SGMS1: variants seen among roughly 807,000 people sequenced by gnomAD.
SGMS1 encodes phosphatidylcholine:ceramide cholinephosphotransferase 1.
A neutral mutation model predicts 46.2 loss-of-function variants in SGMS1; 13 were observed. The observed-to-expected ratio is 0.28, with a 90% CI of 0.18 to 0.45. The LOEUF is 0.45. SGMS1 is among the 20% of genes least tolerant of loss of function. The pLI, the probability that SGMS1 is intolerant of heterozygous loss-of-function variation, is 1.00. For missense variants in SGMS1, 324 were observed against 519.9 expected, an observed-to-expected ratio of 0.62 and a Z score of 3.66; for synonymous variants, 203 against 187.8, an observed-to-expected ratio of 1.08 and a Z score of -0.66.
chr10:50,601,890 G>T (rs1411476751), intron 1 of SGMS1, among the ~76,000 whole-genome samples: 1 of 152,174 alleles, frequency 6.6e-6, no homozygotes, highest in African/African-American at 2.4e-5. Context: ...TAGCCTGAAG[G>T]TAATTTTATA....
intron 2 of SGMS1, among the ~76,000 whole-genome samples, chr10:50,545,272 C>A (rs1371064028): frequency 1.3e-5 from 2 of 152,142 alleles, no homozygotes; most frequent in African/African-American, 4.8e-5. Context: ...TTTCAGGTTT[C>A]TAGAGGCAGT....
intron 2 of SGMS1, among the ~76,000 whole-genome samples, chr10:50,537,269 G>A (rs1838010279): frequency 6.6e-6 from 1 of 152,056 alleles, no homozygotes; most frequent in Admixed American, 6.6e-5. Context: ...TCTCCAGAAA[G>A]TTTGGAGTAT....
chr10:50,625,144 G>T (rs1035839532), upstream of SGMS1: 35 of 851,872 alleles, frequency 4.1e-5, no homozygotes, highest in Non-Finnish European at 4.9e-5. Context: ...ACAGGTTCTC[G>T]CCCGGGCCAG....
intron 2 of SGMS1, among the ~76,000 whole-genome samples, chr10:50,551,000 C>T (rs1016013942): frequency 4.6e-5 from 7 of 152,144 alleles, no homozygotes; most frequent in South Asian, 2.1e-4. Flanking sequence ...CAGAAGAATT[C>T]AAAGTAATTT....
intron 3 of SGMS1, among the ~76,000 whole-genome samples, chr10:50,511,806 A>T (rs762799341): frequency 5.3e-5 from 8 of 152,014 alleles, no homozygotes; most frequent in Non-Finnish European, 8.8e-5. Flanking sequence ...TGTCTGAGGG[A>T]TCCACACTTA....
At position 50,318,863 on chromosome 10, in the gene SGMS1, A is replaced by G. The variant is rs546210359; in HGVS notation, c.742-7448T>C. ...TACTAGGCAGACTTGTTTTAGGGAT[A>G]GGGGGTGTCTCTAAGCAATTATCAG... On this transcript the variant is annotated intron_variant, in intron 8 of 10. Coordinates refer to ENST00000361781, the MANE Select transcript of SGMS1 (RefSeq NM_147156.4). 1.7e-3 allele frequency among the ~76,000 whole-genome samples: 259 copies of G among 152,220 alleles called. 1 individual carries two copies. The highest frequency in any genetic ancestry group is 3.7e-3 in the Admixed American group (56 of 15,284).
intron 6 of SGMS1, among the ~76,000 whole-genome samples, chr10:50,407,526 C>T (rs1363668295): frequency 1.3e-5 from 2 of 152,128 alleles, no homozygotes; most frequent in African/African-American, 4.8e-5. Context: ...CCACCCTGAC[C>T]TCCAAACGGC....
At chr10:50,572,601 GT>G in intron 2 of SGMS1, among the ~76,000 whole-genome samples, 1 of 152,182 alleles carries the variant, frequency 6.6e-6, no homozygotes, top group Non-Finnish European at 1.5e-5. Context: ...TGTACACTGA[GT>G]TTTTGCATAA....
chr10:50,412,901 A>G (rs1169034362), intron 6 of SGMS1, among the ~76,000 whole-genome samples: 1 of 152,180 alleles, frequency 6.6e-6, no homozygotes, highest in Non-Finnish European at 1.5e-5. Flanking sequence ...TTTAGTGCAT[A>G]TTCTTCATTC....
chr10:50,393,318 CT>C (rs1848802768), intron 6 of SGMS1, among the ~76,000 whole-genome samples: 1 of 152,086 alleles, frequency 6.6e-6, no homozygotes, highest in Non-Finnish European at 1.5e-5. Context: ...ATTTCTCAGA[CT>C]AAAGAAACCA....
intron 5 of SGMS1, among the ~76,000 whole-genome samples, chr10:50,448,911 A>G (rs79332676): frequency 3.8e-4 from 58 of 152,322 alleles, no homozygotes; most frequent in African/African-American, 1.3e-3. Context: ...ACCTTAATGG[A>G]GAAATCACCA....
At chr10:50,492,171 A>T (rs944370703) in intron 3 of SGMS1, among the ~76,000 whole-genome samples, 1 of 152,248 alleles carries the variant, frequency 6.6e-6, no homozygotes, top group Non-Finnish European at 1.5e-5. Context: ...CATACCTCAG[A>T]ATAATAAGAG....
chr10:50,344,227 T>C lies in SGMS1; in HGVS notation c.-113A>G. 5.0e-6 allele frequency: 7 copies of C among 1,402,864 alleles called. No homozygotes were observed. The highest frequency in any genetic ancestry group is 6.7e-6 in the Non-Finnish European group (7 of 1,051,824). 86.9% of individuals were successfully genotyped at this position (1,402,864 alleles called of 1,614,324 possible). A position where few individuals can be genotyped will look rare whatever the true frequency, so the allele number is the denominator to read the frequency against. On this transcript the variant is annotated 5_prime_UTR_variant, in exon 7 of 11. The change abolishes an upstream ATG in the 5' untranslated region. Coordinates refer to ENST00000361781, the MANE Select transcript of SGMS1 (RefSeq NM_147156.4). ...GGCTCGTTCATCCTGTGGGGCCTCA[T>C]GAGCAGAGACTTGTTTGGCAAGATG... is the stretch of plus-strand genomic sequence containing the variant.
At chr10:50,431,802 A>G (rs1353355340) in intron 6 of SGMS1, among the ~76,000 whole-genome samples, 1 of 152,190 alleles carries the variant, frequency 6.6e-6, no homozygotes, top group Non-Finnish European at 1.5e-5. Flanking sequence ...TTGAAGGAAT[A>G]TGGGGAAGGG....
intron 6 of SGMS1, among the ~76,000 whole-genome samples, chr10:50,419,208 C>T (rs182444827): frequency 1.3e-5 from 2 of 152,218 alleles, no homozygotes; most frequent in East Asian, 3.9e-4. Context: ...TGTAACAATG[C>T]ATGCAAAGCA....
At chr10:50,622,537 G>A (rs1838863458) in intron 1 of SGMS1, among the ~76,000 whole-genome samples, 1 of 152,198 alleles carries the variant, frequency 6.6e-6, no homozygotes, top group Non-Finnish European at 1.5e-5. Flanking sequence ...CAGCTTTAAA[G>A]GTCCAGGAAG....
At chr10:50,391,802 G>T (rs1338171264) in intron 6 of SGMS1, among the ~76,000 whole-genome samples, 1 of 148,490 alleles carries the variant, frequency 6.7e-6, no homozygotes. Flanking sequence ...TAAGGAAAAT[G>T]TGGTGTATAT....
intron 8 of SGMS1, 80 bp downstream of exon 8, chr10:50,327,125 T>C: frequency 1.2e-6 from 1 of 803,096 alleles, no homozygotes. Context: ...AAGAAACGTT[T>C]TCCTGCAACC....
At chr10:50,508,925 A>T (rs1178252804) in intron 3 of SGMS1, among the ~76,000 whole-genome samples, 1 of 152,182 alleles carries the variant, frequency 6.6e-6, no homozygotes, top group Non-Finnish European at 1.5e-5. Context: ...ACCCTGATGG[A>T]TGGTAATTTC....
Sources: gnomAD v4.1 joint callset for allele counts (sites outside exome capture counted in the v4.1 genomes callset) on GRCh38, gnomAD v4.1.1 for gene constraint, MANE v1.5 for transcripts, NCBI Gene and HGNC (gene_info 2026-07-23, HGNC 2026-07-21) for gene names.